GAREM1: variants seen among roughly 807,000 people sequenced by gnomAD.
The protein encoded by GAREM1 is GRB2-associated and regulator of MAPK protein 1.
Under a neutral mutation model 71.3 loss-of-function variants are expected in GAREM1, and 26 were observed. That is an observed-to-expected ratio of 0.36 (90% CI 0.27 to 0.51). GAREM1 has a LOEUF of 0.51. GAREM1 is among the 20% of genes least tolerant of loss of function. GAREM1 has a pLI of 0.95. For synonymous variants in GAREM1, 440 were observed against 433.2 expected (o/e 1.02, Z -0.20); for missense variants, 1,026 against 1,103.1 (o/e 0.93, Z 0.99).
intron 3 of GAREM1, among the ~76,000 whole-genome samples, chr18:32,297,571 C>T (rs893345618): frequency 6.6e-6 from 1 of 152,172 alleles, no homozygotes; most frequent in African/African-American, 2.4e-5. Flanking sequence ...AAGCCCAAAC[C>T]ACTACTTCTA....
chr18:32,317,143 G>A (rs969835873), intron 2 of GAREM1, among the ~76,000 whole-genome samples: 3 of 152,070 alleles, frequency 2.0e-5, no homozygotes, highest in African/African-American at 7.2e-5. Context: ...GGTGGCTCAC[G>A]CCTGTAATCC....
At chr18:32,320,922 G>A (rs1401402089) in intron 2 of GAREM1, among the ~76,000 whole-genome samples, 1 of 152,118 alleles carries the variant, frequency 6.6e-6, no homozygotes, top group Non-Finnish European at 1.5e-5. Context: ...GATTGAACAT[G>A]GTTGCTAATA....
intron 1 of GAREM1, among the ~76,000 whole-genome samples, chr18:32,447,949 T>C (rs1254417356): frequency 6.6e-6 from 1 of 152,196 alleles, no homozygotes; most frequent in Admixed American, 6.5e-5. Flanking sequence ...TTATATCCAA[T>C]AATTCAGTTG....
chr18:32,335,227 C>A (rs1311857692), intron 2 of GAREM1, among the ~76,000 whole-genome samples: 1 of 152,170 alleles, frequency 6.6e-6, no homozygotes, highest in Non-Finnish European at 1.5e-5. Flanking sequence ...TTTTGAACTT[C>A]TATTTGGCGA....
rs182881417 is a variant in GAREM1, at chr18:32,410,335, T to C, written c.122-17300A>G. On this transcript the variant is annotated intron_variant, in intron 1 of 5. Coordinates refer to ENST00000269209, the MANE Select transcript of GAREM1 (RefSeq NM_001242409.2). ...GATTTACAGCCAGATTTAGTTGAAA[T>C]TGTGGTTTACTTATATTTATTTATA... 3.3e-3 allele frequency among the ~76,000 whole-genome samples: 503 copies of C among 152,256 alleles called. 2 individuals carry two copies. Among genetic ancestry groups the C allele is most frequent in the Middle Eastern group, 0.014 (4 of 294 alleles).
At chr18:32,352,038 TCAGTGTTAA>T (rs2047758438) in intron 2 of GAREM1, among the ~76,000 whole-genome samples, 10 of 152,140 alleles carry the variant, frequency 6.6e-5, no homozygotes, top group African/African-American at 2.2e-4. Context: ...CCAAAAATTC[TCAGTGTTAA>T]AACAAACCAA....
intron 4 of GAREM1, among the ~76,000 whole-genome samples, chr18:32,282,312 G>A (rs1288299244): frequency 6.6e-6 from 1 of 152,200 alleles, no homozygotes; most frequent in East Asian, 1.9e-4. Flanking sequence ...TGTAGTCCCA[G>A]CTCATTGGGA....
intron 2 of GAREM1, among the ~76,000 whole-genome samples, chr18:32,345,686 T>C (rs1377233749): frequency 2.6e-5 from 4 of 152,208 alleles, no homozygotes; most frequent in Admixed American, 2.6e-4. Context: ...CTGATGAATT[T>C]CTGGCTGGGA....
chr18:32,426,797 G>A lies in GAREM1; in HGVS notation c.122-33762C>T, dbSNP rs147718006. Reference sequence around the variant, plus strand: ...TTTTTATTCATAAGCTTGTCAAACTGTTTTAACAATTTTCCTCCAGGTGGC... The same window carrying A: ...TTTTTATTCATAAGCTTGTCAAACTATTTTAACAATTTTCCTCCAGGTGGC... On this transcript the variant is annotated intron_variant, in intron 1 of 5. Transcript: ENST00000269209. Among the ~76,000 whole-genome samples the A allele has an allele frequency of 9.5e-3, 1,447 of 152,256 alleles. 20 individuals carry two copies. Among genetic ancestry groups the A allele is most frequent in the Non-Finnish European group, 0.015 (993 of 68,004 alleles).
intron 2 of GAREM1, among the ~76,000 whole-genome samples, chr18:32,382,809 C>T (rs187422101): frequency 6.6e-6 from 1 of 152,140 alleles, no homozygotes; most frequent in African/African-American, 2.4e-5. Flanking sequence ...ACAAGACTCG[C>T]TGCATAATTA....
chr18:32,296,648 T>C lies in GAREM1; in HGVS notation c.394-8445A>G, dbSNP rs1440421043. Among the ~76,000 whole-genome samples the C allele has an allele frequency of 5.3e-5, 8 of 152,104 alleles. No homozygotes were observed. The East Asian group carries it at 1.5e-3, about 29-fold the overall frequency. ...GCTTGACACATACAAGGGCTTTCTT[T>C]TTCCATAGGACTTGTAGTTTCAAGT... On this transcript the variant is annotated intron_variant, in intron 3 of 5. Transcript: ENST00000269209.
chr18:32,381,151 A>G (rs1338136523), intron 2 of GAREM1, among the ~76,000 whole-genome samples: 4 of 152,094 alleles, frequency 2.6e-5, no homozygotes, highest in Non-Finnish European at 4.4e-5. Context: ...TTTACTCCAA[A>G]TACACTTCTC....
At chr18:32,344,897 T>TA (rs2047679663) in intron 2 of GAREM1, among the ~76,000 whole-genome samples, 1 of 151,870 alleles carries the variant, frequency 6.6e-6, no homozygotes, top group Admixed American at 6.6e-5. Flanking sequence ...CTGTCTCTAC[T>TA]AAAAATACAA....
At chr18:32,281,348 A>G (rs1311490843) in intron 4 of GAREM1, among the ~76,000 whole-genome samples, 1 of 152,140 alleles carries the variant, frequency 6.6e-6, no homozygotes, top group Non-Finnish European at 1.5e-5. Context: ...AGGCCCATCA[A>G]TCTGGCATTA....
intron 2 of GAREM1, among the ~76,000 whole-genome samples, chr18:32,334,342 GATTGTT>G (rs1223581122): frequency 6.6e-6 from 1 of 152,116 alleles, no homozygotes; most frequent in Non-Finnish European, 1.5e-5. Context: ...GAGATGTCAA[GATTGTT>G]ATTTTTGTGG....
intron 1 of GAREM1, among the ~76,000 whole-genome samples, chr18:32,455,245 T>C (rs891903517): frequency 1.1e-4 from 16 of 152,116 alleles, no homozygotes; most frequent in Admixed American, 3.3e-4. Context: ...GGTCTTTGCA[T>C]GTGAGATTAA....
chr18:32,275,619 T>G (rs564632597), intron 4 of GAREM1, among the ~76,000 whole-genome samples: 50 of 152,298 alleles, frequency 3.3e-4, no homozygotes, highest in Non-Finnish European at 5.9e-4. Context: ...GGCCTAAAGC[T>G]TTTCTTCCCA....
intron 4 of GAREM1, among the ~76,000 whole-genome samples, chr18:32,281,153 G>T (rs1470923077): frequency 6.6e-6 from 1 of 152,222 alleles, no homozygotes; most frequent in East Asian, 1.9e-4. Flanking sequence ...AATATTTTGT[G>T]CAAGGTATGA....
intron 2 of GAREM1, among the ~76,000 whole-genome samples, chr18:32,342,271 AT>A (rs2047654838): frequency 6.6e-6 from 1 of 152,074 alleles, no homozygotes; most frequent in Admixed American, 6.5e-5. Flanking sequence ...CCTACAGCAC[AT>A]TTACCATCAA....
Sources: gnomAD v4.1 joint callset for allele counts (sites outside exome capture counted in the v4.1 genomes callset) on GRCh38, gnomAD v4.1.1 for gene constraint, MANE v1.5 for transcripts, NCBI Gene and HGNC (gene_info 2026-07-23, HGNC 2026-07-21) for gene names.